Variants in GRID1 observed in about 807,000 individuals in gnomAD.
The protein encoded by GRID1 is glutamate receptor ionotropic, delta-1.
Under a neutral mutation model 98.0 loss-of-function variants are expected in GRID1, and 28 were observed. That is an observed-to-expected ratio of 0.29 (90% confidence interval 0.21 to 0.39). The LOEUF (loss-of-function observed/expected upper bound fraction) is 0.39. Ranked by LOEUF, GRID1 falls within the 10% of genes least tolerant of loss-of-function variation. The pLI is 1.00. For missense variants in GRID1, 1,111 were observed against 1,340.5 expected (o/e 0.83, Z 2.67); for synonymous variants, 553 against 538.5 (o/e 1.03, Z -0.37).
chr10:86,023,001 T>A (rs1843069773), intron 4 of GRID1, among the ~76,000 whole-genome samples: 1 of 151,838 alleles, frequency 6.6e-6, no homozygotes, highest in Admixed American at 6.5e-5. Flanking sequence ...AAGGGTCATA[T>A]GTTGGGGGGC....
At chr10:85,712,356 A>G (rs528494043) in intron 12 of GRID1, among the ~76,000 whole-genome samples, 1 of 151,852 alleles carries the variant, frequency 6.6e-6, no homozygotes, top group Non-Finnish European at 1.5e-5. Flanking sequence ...GACTATACTT[A>G]TATCCAACAA....
At chr10:86,301,181 G>A (rs1443623705) in intron 2 of GRID1, among the ~76,000 whole-genome samples, 1 of 152,176 alleles carries the variant, frequency 6.6e-6, no homozygotes, top group Non-Finnish European at 1.5e-5. Flanking sequence ...CTCACCACGA[G>A]GACCAAGCCA....
chr10:86,141,985 C>G (rs1010915873), intron 3 of GRID1, among the ~76,000 whole-genome samples: 9 of 152,246 alleles, frequency 5.9e-5, no homozygotes, highest in African/African-American at 2.2e-4. Flanking sequence ...CCAAGTGACC[C>G]GCTTTGACTA....
intron 2 of GRID1, among the ~76,000 whole-genome samples, chr10:86,251,287 A>G (rs1489105148): frequency 1.3e-5 from 2 of 150,678 alleles, no homozygotes; most frequent in Non-Finnish European, 2.9e-5. Context: ...TCCCTCCACT[A>G]TTGTCCTATG....
At chr10:86,149,761 A>C (rs546333131) in intron 3 of GRID1, among the ~76,000 whole-genome samples, 80 of 152,364 alleles carry the variant, frequency 5.3e-4, no homozygotes, top group African/African-American at 1.9e-3. Flanking sequence ...TGGGTTTATA[A>C]AATAATTCTT....
chr10:85,775,230 A>G (rs1842317881), intron 8 of GRID1, among the ~76,000 whole-genome samples: 1 of 151,934 alleles, frequency 6.6e-6, no homozygotes, highest in Non-Finnish European at 1.5e-5. Context: ...ACAAGAACAA[A>G]AAACCAAACA....
At chr10:85,892,662 C>CT (rs1841221215) in intron 5 of GRID1, among the ~76,000 whole-genome samples, 1 of 151,504 alleles carries the variant, frequency 6.6e-6, no homozygotes, top group Admixed American at 6.6e-5. Context: ...AAAAGATAAT[C>CT]TAAATAGTCC....
In GRID1 at chr10:85,982,062, G is replaced by A. The variant is rs147190931; in HGVS notation, c.727-65823C>T. 1.1e-3 allele frequency among the ~76,000 whole-genome samples: 173 copies of A among 152,186 alleles called. 1 individual carries two copies. The highest frequency in any genetic ancestry group is 3.9e-3 in the African/African-American group (163 of 41,512). ...CCAGTGCAAAGGCCCTGAGGTGAGCGCTTGTTTGGCATGTTTGATAACCAA... is the reference window on the plus strand; with the variant it reads ...CCAGTGCAAAGGCCCTGAGGTGAGCACTTGTTTGGCATGTTTGATAACCAA... On this transcript the variant is annotated intron_variant, in intron 4 of 15. Coordinates refer to ENST00000327946, the MANE Select transcript of GRID1 (RefSeq NM_017551.3).
chr10:86,053,979 C>T (rs999658756), intron 4 of GRID1, among the ~76,000 whole-genome samples: 2 of 152,128 alleles, frequency 1.3e-5, no homozygotes, highest in Admixed American at 6.5e-5. Flanking sequence ...TGTAAATAGG[C>T]CTTCTGCCTA....
chr10:85,875,310 T>C (rs1425098078), intron 5 of GRID1, among the ~76,000 whole-genome samples: 5 of 152,222 alleles, frequency 3.3e-5, no homozygotes, highest in African/African-American at 9.6e-5. Context: ...CTGATATTAA[T>C]ATAGCTACAT....
intron 13 of GRID1, among the ~76,000 whole-genome samples, chr10:85,644,632 C>T (rs1843163090): frequency 6.6e-6 from 1 of 152,112 alleles, no homozygotes; most frequent in African/African-American, 2.4e-5. Flanking sequence ...GGAAGTGCTA[C>T]TATGGCCTTT....
At chr10:85,746,313 G>A (rs748872381) in intron 8 of GRID1, among the ~76,000 whole-genome samples, 15 of 151,998 alleles carry the variant, frequency 9.9e-5, no homozygotes, top group Non-Finnish European at 2.2e-4. Context: ...TTTTCCATTC[G>A]AGAGGGGTGT....
chr10:85,847,952 G>T (rs1033243723), intron 8 of GRID1, among the ~76,000 whole-genome samples: 2 of 152,088 alleles, frequency 1.3e-5, no homozygotes, highest in Non-Finnish European at 2.9e-5. Flanking sequence ...ATTCCTTTCT[G>T]AAAGAGAGGT....
chr10:85,902,627 G>C (rs36065355), intron 5 of GRID1, among the ~76,000 whole-genome samples: 29,088 of 152,142 alleles, frequency 0.19, 3,093 homozygotes, highest in Middle Eastern at 0.36. Context: ...GGAAGATAAG[G>C]GGGGAGCCGT....
intron 5 of GRID1, among the ~76,000 whole-genome samples, chr10:85,875,699 T>C (rs1843322504): frequency 6.6e-6 from 1 of 152,238 alleles, no homozygotes; most frequent in Admixed American, 6.5e-5. Context: ...GTGAAGTTAA[T>C]CAGTATTTTT....
intron 12 of GRID1, among the ~76,000 whole-genome samples, chr10:85,697,961 T>A (rs1490718007): frequency 6.6e-6 from 1 of 152,176 alleles, no homozygotes; most frequent in Non-Finnish European, 1.5e-5. Context: ...CAGTACCCAC[T>A]AACTTGCAAA....
At chr10:85,927,226 C>T (rs1326895663) in intron 4 of GRID1, among the ~76,000 whole-genome samples, 5 of 152,332 alleles carry the variant, frequency 3.3e-5, no homozygotes, top group South Asian at 2.1e-4. Flanking sequence ...TTCACTATGC[C>T]GACTGCCTGT....
chr10:86,006,496 T>C (rs1842861843), intron 4 of GRID1, among the ~76,000 whole-genome samples: 1 of 152,102 alleles, frequency 6.6e-6, no homozygotes, highest in African/African-American at 2.4e-5. Flanking sequence ...CGGGCACCTC[T>C]AGTCCCAGCT....
rs114077928 is a variant in GRID1, at chr10:86,242,876, G to C, written c.236-36228C>G. ...CCACAGTCACAGTAACAAGTGGTAG[G>C]ACAGGGATCTGGTACTGACAGCCAA... On this transcript the variant is annotated intron_variant, in intron 2 of 15. Transcript: ENST00000327946. 2.5e-3 allele frequency among the ~76,000 whole-genome samples: 378 copies of C among 152,258 alleles called. 2 individuals carry two copies. The highest frequency in any genetic ancestry group is 8.7e-3 in the South Asian group (42 of 4,834).
Sources: gnomAD v4.1 joint callset for allele counts (sites outside exome capture counted in the v4.1 genomes callset) on GRCh38, gnomAD v4.1.1 for gene constraint, MANE v1.5 for transcripts, NCBI Gene and HGNC (gene_info 2026-07-23, HGNC 2026-07-21) for gene names.